Variants in SPAG16 observed in about 807,000 individuals in gnomAD.
SPAG16 encodes the protein sperm associated antigen 16.
SPAG16 carries 86 observed loss-of-function variants against 80.4 expected under a neutral mutation model. The ratio of observed to expected loss-of-function variants is 1.07; its 90% CI spans 0.90 to 1.28. SPAG16 has a LOEUF of 1.28. Among genes scored for constraint, SPAG16 ranks in the 50% most tolerant of loss-of-function variants. SPAG16 has a pLI of 0.00. For synonymous variants in SPAG16, 294 were observed against 265.9 expected (o/e 1.11, Z -1.03); for missense variants, 870 against 765.3 (o/e 1.14, Z -1.61).
intron 15 of SPAG16, among the ~76,000 whole-genome samples, chr2:214,372,322 C>T (rs1699875668): frequency 6.6e-6 from 1 of 152,178 alleles, no homozygotes; most frequent in Admixed American, 6.5e-5. Flanking sequence ...GTGATTTCAA[C>T]TTTCCTTGAA....
intron 10 of SPAG16, among the ~76,000 whole-genome samples, chr2:213,658,242 C>T (rs1260126832): frequency 6.6e-6 from 1 of 152,074 alleles, no homozygotes; most frequent in East Asian, 1.9e-4. Context: ...CTGGTGTGCT[C>T]CACTTTTTGC....
chr2:213,946,778 C>G (rs1283774020), intron 12 of SPAG16, among the ~76,000 whole-genome samples: 1 of 152,062 alleles, frequency 6.6e-6, no homozygotes, highest in Non-Finnish European at 1.5e-5. Flanking sequence ...ATCAATGCAA[C>G]CAACACCATA....
At chr2:213,383,394 A>G (rs755077226) in intron 9 of SPAG16, among the ~76,000 whole-genome samples, 11 of 152,096 alleles carry the variant, frequency 7.2e-5, no homozygotes, top group Non-Finnish European at 1.5e-4. Flanking sequence ...TCTCATAATG[A>G]AGTGCAAAAA....
intron 10 of SPAG16, among the ~76,000 whole-genome samples, chr2:213,655,677 G>A (rs1268217200): frequency 2.0e-5 from 3 of 152,108 alleles, no homozygotes; most frequent in Non-Finnish European, 4.4e-5. Flanking sequence ...TTTGAGATGA[G>A]CCTTACCTCC....
intron 15 of SPAG16, among the ~76,000 whole-genome samples, chr2:214,404,920 G>T (rs146690813): frequency 6.6e-6 from 1 of 152,126 alleles, no homozygotes; most frequent in African/African-American, 2.4e-5. Flanking sequence ...TATGTATTTA[G>T]AGATTAATGG....
At chr2:213,499,963 T>C (rs931609969) in intron 10 of SPAG16, among the ~76,000 whole-genome samples, 3 of 152,180 alleles carry the variant, frequency 2.0e-5, no homozygotes, top group Non-Finnish European at 4.4e-5. Flanking sequence ...TCTTCTGCTT[T>C]TTCCTCATCT....
At position 214,108,392 on chromosome 2, in the gene SPAG16, A is replaced by G. The variant is rs144585430; in HGVS notation, c.1593+131A>G. 1.2e-3 allele frequency: 784 copies of G among 656,486 alleles called. 4 individuals are homozygous for G. Among genetic ancestry groups the G allele is most frequent in the African/African-American group, 0.012 (637 of 54,448 alleles). 40.7% of individuals were successfully genotyped at this position (656,486 alleles called of 1,614,324 possible). ...GAACAACTTTAGGAATTAGTTGTAA[A>G]CAATAGGAAAAGTCTATAGGTATAT... is the stretch of plus-strand genomic sequence containing the variant. On this transcript the variant is annotated intron_variant, in intron 14 of 15. Transcript: ENST00000331683.
intron 13 of SPAG16, among the ~76,000 whole-genome samples, chr2:214,095,705 T>C (rs1194089816): frequency 1.3e-5 from 2 of 152,120 alleles, no homozygotes; most frequent in East Asian, 1.9e-4. Context: ...AATACTATCA[T>C]ATAAAATATA....
intron 9 of SPAG16, among the ~76,000 whole-genome samples, chr2:213,377,579 T>G (rs2066939252): frequency 6.6e-6 from 1 of 152,168 alleles, no homozygotes; most frequent in African/African-American, 2.4e-5. Flanking sequence ...GGGCTAGACA[T>G]TTGCAGTGTG....
At position 214,144,549 on chromosome 2, in the gene SPAG16, C is replaced by T. The variant is rs183416384; in HGVS notation, c.1594-4591C>T. On this transcript the variant is annotated intron_variant, in intron 14 of 15. Coordinates refer to ENST00000331683, the MANE Select transcript of SPAG16 (RefSeq NM_024532.5). ...TCACTAGAATGTACTGCTAAACAAA[C>T]AAAACAAAGTTCCTTCACTTAGTGT... 2.1e-3 allele frequency among the ~76,000 whole-genome samples: 317 copies of T among 152,174 alleles called. 2 individuals are homozygous for T. Among genetic ancestry groups the T allele is most frequent in the Admixed American group, 3.1e-3 (47 of 15,282 alleles).
At chr2:213,470,332 T>G (rs1190433706) in intron 9 of SPAG16, among the ~76,000 whole-genome samples, 1 of 152,114 alleles carries the variant, frequency 6.6e-6, no homozygotes, top group African/African-American at 2.4e-5. Flanking sequence ...AGTGCCTTGG[T>G]CAGAGGCAAT....
chr2:213,915,063 A>G lies in SPAG16; in HGVS notation c.1215-14897A>G, dbSNP rs115963450. Among the ~76,000 whole-genome samples the G allele has an allele frequency of 4.8e-3, 728 of 152,204 alleles. 7 individuals are homozygous for G. Among genetic ancestry groups the G allele is most frequent in the African/African-American group, 0.017 (700 of 41,546 alleles). On this transcript the variant is annotated intron_variant, in intron 11 of 15. Transcript: ENST00000331683. ...TCATAATCACGGCAGAAGGTGAATGAGAATCAAAGTCACGTCTTACATGGT... is the reference window on the plus strand; with the variant it reads ...TCATAATCACGGCAGAAGGTGAATGGGAATCAAAGTCACGTCTTACATGGT...
chr2:214,213,468 G>T (rs2058349563), intron 15 of SPAG16, among the ~76,000 whole-genome samples: 1 of 152,168 alleles, frequency 6.6e-6, no homozygotes, highest in South Asian at 2.1e-4. Context: ...GAGACCAGCT[G>T]CTAGAATTCT....
At chr2:213,448,416 GTCTT>G (rs568061459) in intron 9 of SPAG16, among the ~76,000 whole-genome samples, 7 of 152,222 alleles carry the variant, frequency 4.6e-5, no homozygotes, top group Non-Finnish European at 1.0e-4. Context: ...GTGGAAGAAA[GTCTT>G]TCTGGACTAA....
At chr2:213,536,561 G>A (rs2076255272) in intron 10 of SPAG16, among the ~76,000 whole-genome samples, 1 of 152,116 alleles carries the variant, frequency 6.6e-6, no homozygotes, top group South Asian at 2.1e-4. Context: ...GTTTTGATTT[G>A]CATTTCTCTG....
chr2:214,370,539 A>G (rs1180103736), intron 15 of SPAG16, among the ~76,000 whole-genome samples: 1 of 152,198 alleles, frequency 6.6e-6, no homozygotes, highest in Non-Finnish European at 1.5e-5. Context: ...AAATTAGTTA[A>G]CACATTTAAC....
chr2:213,959,837 C>T (rs896633922), intron 12 of SPAG16, among the ~76,000 whole-genome samples: 1 of 152,156 alleles, frequency 6.6e-6, no homozygotes, highest in African/African-American at 2.4e-5. Context: ...AACCTTCCTC[C>T]CATTCAGGTC....
At chr2:213,744,835 C>T (rs576523448) in intron 10 of SPAG16, among the ~76,000 whole-genome samples, 1 of 152,176 alleles carries the variant, frequency 6.6e-6, no homozygotes, top group Admixed American at 6.5e-5. Context: ...TTAGATACAC[C>T]TTTACCACTT....
intron 9 of SPAG16, among the ~76,000 whole-genome samples, chr2:213,412,276 G>GGAATTA (rs2069016701): frequency 3.3e-5 from 5 of 152,118 alleles, no homozygotes; most frequent in Admixed American, 1.3e-4. Context: ...TAACCTGTGT[G>GGAATTA]GTCTAACCCT....
Sources: allele counts gnomAD v4.1 joint callset (sites outside exome capture counted in the v4.1 genomes callset), GRCh38; gene constraint gnomAD v4.1.1; transcripts MANE v1.5; gene names NCBI Gene and HGNC (gene_info 2026-07-23, HGNC 2026-07-21).